The following BMPER variants were observed in gnomAD, a reference collection of about 807,000 sequenced individuals.
BMPER encodes BMP binding endothelial regulator.
A neutral mutation model predicts 87.3 loss-of-function variants in BMPER; 45 were observed. The observed-to-expected ratio is 0.52, with a 90% CI of 0.41 to 0.66. The LOEUF (loss-of-function observed/expected upper bound fraction) is 0.66, where lower values mean the gene tolerates loss of function less well. Among genes scored for constraint, BMPER ranks in the 30% least tolerant of loss-of-function variants. BMPER has a pLI of 0.00. For missense variants in BMPER, 784 were observed against 867.5 expected (o/e 0.90, Z 1.21); for synonymous variants, 326 against 316.2 (o/e 1.03, Z -0.33).
intron 2 of BMPER, among the ~76,000 whole-genome samples, chr7:33,912,474 G>A (rs889203028): frequency 5.9e-5 from 9 of 152,298 alleles, no homozygotes; most frequent in African/African-American, 2.2e-4. Flanking sequence ...AGTAAATTGT[G>A]TTTTAAGTGT....
intron 2 of BMPER, among the ~76,000 whole-genome samples, chr7:33,927,326 C>T (rs1431573946): frequency 4.6e-5 from 7 of 152,220 alleles, no homozygotes; most frequent in Admixed American, 2.6e-4. Context: ...ACTGTAGGTA[C>T]GTTATCCAGG....
At chr7:33,932,265 C>T (rs546093991) in intron 2 of BMPER, among the ~76,000 whole-genome samples, 13 of 152,288 alleles carry the variant, frequency 8.5e-5, no homozygotes, top group African/African-American at 3.1e-4. Flanking sequence ...CAAAGACTAC[C>T]GGGATGGAAT....
intron 14 of BMPER, 48 bp downstream of exon 14, chr7:34,143,408 C>T (rs1211648542): frequency 1.2e-6 from 2 of 1,611,116 alleles, no homozygotes; most frequent in Non-Finnish European, 1.7e-6. Flanking sequence ...ACTGCAATGC[C>T]CAAGATGGCA....
chr7:34,140,501 C>T (rs1790836769), intron 13 of BMPER, among the ~76,000 whole-genome samples: 1 of 152,188 alleles, frequency 6.6e-6, no homozygotes, highest in Admixed American at 6.5e-5. Context: ...AGTGGTTGAT[C>T]ATATAAAAAG....
intron 6 of BMPER, among the ~76,000 whole-genome samples, chr7:34,009,394 G>T (rs1309807059): frequency 6.6e-6 from 1 of 151,866 alleles, no homozygotes; most frequent in Non-Finnish European, 1.5e-5. Flanking sequence ...TTATGAGGGT[G>T]CTCTATTAGT....
chr7:34,011,143 T>A (rs1242953473), intron 6 of BMPER, among the ~76,000 whole-genome samples: 1 of 151,802 alleles, frequency 6.6e-6, no homozygotes. Flanking sequence ...TATTAGAAAA[T>A]AAGGAGATTA....
intron 8 of BMPER, among the ~76,000 whole-genome samples, chr7:34,053,737 G>T (rs963645504): frequency 6.6e-6 from 1 of 152,166 alleles, no homozygotes; most frequent in Non-Finnish European, 1.5e-5. Flanking sequence ...AGGAGGAGGG[G>T]TTGGTCTTGT....
intron 13 of BMPER, among the ~76,000 whole-genome samples, chr7:34,099,780 G>A (rs1265362697): frequency 6.6e-6 from 1 of 152,058 alleles, no homozygotes; most frequent in Non-Finnish European, 1.5e-5. Flanking sequence ...GGACCACTTA[G>A]TAACAGTTTC....
chr7:34,005,959 A>G (rs1287427422), intron 6 of BMPER, among the ~76,000 whole-genome samples: 1 of 152,056 alleles, frequency 6.6e-6, no homozygotes, highest in Admixed American at 6.6e-5. Context: ...GGATATTAAT[A>G]TTCTTGAATT....
intron 2 of BMPER, chr7:33,921,686 AC>A: frequency 8.6e-6 from 4 of 465,758 alleles, no homozygotes; most frequent in South Asian, 6.2e-5. Flanking sequence ...ATGGATTCCC[AC>A]AGGGATACGC....
intron 13 of BMPER, among the ~76,000 whole-genome samples, chr7:34,140,298 C>T (rs1296357279): frequency 6.6e-6 from 1 of 152,206 alleles, no homozygotes; most frequent in East Asian, 1.9e-4. Flanking sequence ...GGGATGACTG[C>T]TTCTCCATTC....
intron 2 of BMPER, among the ~76,000 whole-genome samples, chr7:33,916,887 GT>G (rs1410502033): frequency 6.6e-6 from 1 of 152,120 alleles, no homozygotes; most frequent in Non-Finnish European, 1.5e-5. Flanking sequence ...GGAACTCCAA[GT>G]TCCAAAACAT....
At chr7:34,085,493 G>A (rs1483094147) in intron 12 of BMPER, among the ~76,000 whole-genome samples, 1 of 152,170 alleles carries the variant, frequency 6.6e-6, no homozygotes, top group Non-Finnish European at 1.5e-5. Context: ...TCATCTGTAG[G>A]TCAAACCAGG....
At chr7:34,152,990 ACGT>A in intron 14 of BMPER, 99 bp from the exon 15 acceptor site, 1 of 1,319,672 alleles carries the variant, frequency 7.6e-7, no homozygotes, top group Non-Finnish European at 1.1e-6. Context: ...AGCTATGGAA[ACGT>A]CCATGAAGTG....
chr7:33,942,150 CTGTT>C (rs71651129), intron 3 of BMPER, among the ~76,000 whole-genome samples: 4,457 of 151,964 alleles, frequency 0.029, 206 homozygotes, highest in African/African-American at 0.1. Context: ...ATATTGTTTC[CTGTT>C]TGTTTGTTCT....
At chr7:33,948,838 T>G (rs1784951340) in intron 3 of BMPER, among the ~76,000 whole-genome samples, 1 of 152,156 alleles carries the variant, frequency 6.6e-6, no homozygotes, top group South Asian at 2.1e-4. Context: ...TATAGTAATG[T>G]GGGAATGGAC....
At chr7:34,075,770 T>C (rs1788848765) in intron 11 of BMPER, among the ~76,000 whole-genome samples, 2 of 152,210 alleles carry the variant, frequency 1.3e-5, no homozygotes, top group South Asian at 4.1e-4. Context: ...CTGTGTTCTT[T>C]TCTGTCCCCT....
At chr7:33,944,502 A>G (rs1486409918) in intron 3 of BMPER, among the ~76,000 whole-genome samples, 1 of 152,236 alleles carries the variant, frequency 6.6e-6, no homozygotes, top group Non-Finnish European at 1.5e-5. Context: ...TATTATTGTT[A>G]TCATAATCAT....
chr7:34,055,440 G>C, intron 9 of BMPER, 137 bp downstream of exon 9: 1 of 1,085,728 alleles, frequency 9.2e-7, no homozygotes, highest in Non-Finnish European at 1.4e-6. Flanking sequence ...TATATTAATA[G>C]AATGTATTTA....
Sources: gnomAD v4.1 joint callset for allele counts (sites outside exome capture counted in the v4.1 genomes callset) on GRCh38, gnomAD v4.1.1 for gene constraint, MANE v1.5 for transcripts, NCBI Gene and HGNC (gene_info 2026-07-23, HGNC 2026-07-21) for gene names.